The following SFXN5 variants were observed in gnomAD, a reference collection of about 807,000 sequenced individuals.
The protein encoded by SFXN5 is sideroflexin-5.
In SFXN5, 43 loss-of-function variants were observed where a neutral mutation model predicts 50.2. The ratio of observed to expected loss-of-function variants is 0.86; its 90% CI spans 0.67 to 1.11. The LOEUF is 1.11. SFXN5 is among the 50% of genes least tolerant of loss of function. The pLI, the probability that SFXN5 is intolerant of heterozygous loss-of-function variation, is 0.00. For synonymous variants in SFXN5, 203 were observed against 185.8 expected (o/e 1.09, Z -0.75); for missense variants, 463 against 454.1 (o/e 1.02, Z -0.18).
intron 3 of SFXN5, among the ~76,000 whole-genome samples, chr2:73,038,333 T>C (rs1426982288): frequency 6.6e-6 from 1 of 152,262 alleles, no homozygotes; most frequent in Admixed American, 6.5e-5. Flanking sequence ...GTCACCTGCA[T>C]AGGGCACTTA....
In SFXN5 at chr2:72,950,214, C is replaced by T. The variant is rs915163143; in HGVS notation, c.946-5115G>A. Among the ~76,000 whole-genome samples the T allele has an allele frequency of 3.3e-5, 5 of 152,078 alleles. No individual in the cohort carries two copies. The highest frequency in any genetic ancestry group is 9.7e-5 in the African/African-American group (4 of 41,400). Reference sequence around the variant, plus strand: ...GGCCTTGGGGGACCAGCCCGAGGAGCGAACGTAATGACAGAGGGTGCCACA... The same window carrying T: ...GGCCTTGGGGGACCAGCCCGAGGAGTGAACGTAATGACAGAGGGTGCCACA... On this transcript the variant is annotated intron_variant, in intron 13 of 13. Transcript: ENST00000272433. The surrounding 1 kb of genome is among the most constrained non-coding windows in gnomAD (Gnocchi z 4.2).
intron 3 of SFXN5, 145 bp downstream of exon 3, chr2:73,040,709 A>C (rs1477085561): frequency 3.4e-6 from 2 of 592,374 alleles, no homozygotes; most frequent in Non-Finnish European, 5.7e-6. Flanking sequence ...GAGCATCTCC[A>C]AAGAGCTTTT....
chr2:72,987,972 T>G (rs1348711981), intron 10 of SFXN5, among the ~76,000 whole-genome samples: 1 of 152,230 alleles, frequency 6.6e-6, no homozygotes, highest in Non-Finnish European at 1.5e-5. Flanking sequence ...AATGTAAATC[T>G]TTTCCCTGAC....
intron 2 of SFXN5, among the ~76,000 whole-genome samples, chr2:73,046,332 C>G (rs1680315742): frequency 6.6e-6 from 1 of 151,422 alleles, no homozygotes; most frequent in Non-Finnish European, 1.5e-5. Flanking sequence ...TCGCTTGAAC[C>G]CGGAAAGTGA....
At position 72,960,863 on chromosome 2, in the gene SFXN5, C is replaced by T. The variant is rs1673646194; in HGVS notation, c.945+268G>A. ...CAGTGAAATGTCACTTCCCTCTAGG[C>T]TCAGTTTGGTCTGCTGTCTCCTTCC... On this transcript the variant is annotated intron_variant, in intron 13 of 13. Transcript: ENST00000272433. The surrounding 1 kb of genome is among the most constrained non-coding windows in gnomAD (Gnocchi z 6.1). Among the ~76,000 whole-genome samples, 1 of 152,210 alleles carries T rather than the reference C, an allele frequency of 6.6e-6. No individual in the cohort carries two copies. The highest frequency in any genetic ancestry group is 1.5e-5 in the Non-Finnish European group (1 of 68,040).
intron 1 of SFXN5, among the ~76,000 whole-genome samples, chr2:73,067,445 T>A (rs1270104106): frequency 6.6e-6 from 1 of 152,208 alleles, no homozygotes; most frequent in Non-Finnish European, 1.5e-5. Flanking sequence ...AATGTACCAA[T>A]GTTAGTTTCT....
At position 72,942,712 on chromosome 2, in the gene SFXN5, C is replaced by G. The variant is rs185631217; in HGVS notation, c.*2310G>C. 2 of 152,334 alleles carry G rather than the reference C, an allele frequency of 1.3e-5. No homozygotes were observed. Among genetic ancestry groups the G allele is most frequent in the East Asian group, 3.9e-4 (2 of 5,192 alleles). The allele number at this position is 152,334 out of a possible 1,614,324, so 9.4% of individuals were successfully genotyped here. On this transcript the variant is annotated 3_prime_UTR_variant, in exon 14 of 14. Transcript: ENST00000272433. Reference sequence around the variant, plus strand: ...GCTATCTGGATCCTTTGCCACTGCACCGCCACAGGAGCAGACCCCTTGGCT... The same window carrying G: ...GCTATCTGGATCCTTTGCCACTGCAGCGCCACAGGAGCAGACCCCTTGGCT...
intron 8 of SFXN5, among the ~76,000 whole-genome samples, chr2:72,999,467 C>G (rs563172455): frequency 6.6e-6 from 1 of 152,144 alleles, no homozygotes; most frequent in African/African-American, 2.4e-5. Flanking sequence ...CCCATGTCAA[C>G]AGATGATAGC....
chr2:72,945,081 C>G lies in SFXN5; in HGVS notation c.964G>C (p.Glu322Gln). The change falls in exon 14 of 14, where the codon GAG (glutamate) becomes CAG (glutamine). Residue 322 changes from glutamate (E) to glutamine (Q), a missense_variant. Transcript: ENST00000272433. This position sits in a 1 kb window ranked among gnomAD's most constrained non-coding sequence, Gnocchi z 5.8. Reference sequence around the variant, plus strand: ...CTCGTGGCCTGGGCTATCTCCGGCTCTAATTGGGATGTTTCAATCTGTGGA... The same window carrying G: ...CTCGTGGCCTGGGCTATCTCCGGCTGTAATTGGGATGTTTCAATCTGTGGA... ...QMSEIETSQLEPEIAQATSSR... is the reference protein window; with the variant it reads ...QMSEIETSQLQPEIAQATSSR... 1.2e-6 allele frequency: 2 copies of G among 1,613,950 alleles called. No homozygotes were observed. The highest frequency in any genetic ancestry group is 1.7e-6 in the Non-Finnish European group (2 of 1,179,904).
intron 6 of SFXN5, among the ~76,000 whole-genome samples, chr2:73,008,290 T>C (rs960088038): frequency 6.6e-6 from 1 of 152,212 alleles, no homozygotes. Context: ...TCTGCCCTCC[T>C]TAGCACCCTG....
rs569330254 is a variant in SFXN5, at chr2:73,059,775, AAAGAC to A, written c.103-1184_103-1180del. ...ACACAGCCCAGACCATTTTCCCATT[AAAGAC>A]ATACATAAGGGAGGCTCACAATGCT... On this transcript the variant is annotated intron_variant, in intron 1 of 13. Transcript: ENST00000272433. 6.1e-4 allele frequency: 600 copies of A among 979,996 alleles called. 37 individuals are homozygous for A. The highest frequency in any genetic ancestry group is 5.8e-3 in the African/African-American group (330 of 56,674). The allele number at this position is 979,996 out of a possible 1,614,324, so 60.7% of individuals were successfully genotyped here.
chr2:73,031,050 T>C (rs572643304), intron 3 of SFXN5, among the ~76,000 whole-genome samples: 15 of 152,344 alleles, frequency 9.8e-5, no homozygotes, highest in African/African-American at 2.4e-4. Flanking sequence ...TAATAGAAGA[T>C]GCACAAATTC....
chr2:72,977,454 T>A lies in SFXN5; in HGVS notation c.626-5769A>T, dbSNP rs1670757392. On this transcript the variant is annotated intron_variant, in intron 10 of 13. Coordinates refer to ENST00000272433, the MANE Select transcript of SFXN5 (RefSeq NM_144579.3). The stretch of plus-strand genomic sequence containing the variant: ...TAAAAGGCTGAAAAACTAATAAACA[T>A]GAACTCAATCTCACTAATAATCAGG... Among the ~76,000 whole-genome samples, 2 of 152,028 alleles carry A rather than the reference T, an allele frequency of 1.3e-5. 1 individual carries two copies. Among genetic ancestry groups the A allele is most frequent in the Non-Finnish European group, 2.9e-5 (2 of 68,014 alleles).
At chr2:73,004,790 A>G (rs1031859366) in intron 6 of SFXN5, among the ~76,000 whole-genome samples, 7 of 152,242 alleles carry the variant, frequency 4.6e-5, no homozygotes, top group Non-Finnish European at 1.0e-4. Context: ...AAGCACGAGG[A>G]TGCCAGCCCA....
intron 2 of SFXN5, among the ~76,000 whole-genome samples, chr2:73,054,694 T>A (rs1681863992): frequency 6.6e-6 from 1 of 152,196 alleles, no homozygotes; most frequent in South Asian, 2.1e-4. Context: ...CAATATGTCT[T>A]GAAGTCCACC....
At chr2:72,978,286 T>A (rs1302709636) in intron 10 of SFXN5, among the ~76,000 whole-genome samples, 8 of 140,952 alleles carry the variant, frequency 5.7e-5, no homozygotes, top group Admixed American at 1.4e-4. Flanking sequence ...TTTTTCTTTC[T>A]TTTTTTTTTT....
At chr2:73,047,160 G>A (rs1229940210) in intron 2 of SFXN5, among the ~76,000 whole-genome samples, 3 of 138,754 alleles carry the variant, frequency 2.2e-5, no homozygotes, top group African/African-American at 7.9e-5. Context: ...GGAGGCTGCA[G>A]TAAGCCAAGA....
At chr2:72,951,537 C>T (rs1469278578) in intron 13 of SFXN5, among the ~76,000 whole-genome samples, 1 of 152,182 alleles carries the variant, frequency 6.6e-6, no homozygotes, top group Non-Finnish European at 1.5e-5. Flanking sequence ...ACACACACAC[C>T]TGCAGCCAGG....
intron 7 of SFXN5, among the ~76,000 whole-genome samples, chr2:73,000,717 T>G (rs1339046478): frequency 6.6e-6 from 1 of 152,196 alleles, no homozygotes; most frequent in Non-Finnish European, 1.5e-5. Context: ...GGTTCCTGAA[T>G]GGGGTCCTGC....
Sources: gnomAD v4.1 joint callset for allele counts (sites outside exome capture counted in the v4.1 genomes callset) on GRCh38, gnomAD v4.1.1 for gene constraint, Gnocchi (gnomAD v3.1) non-coding constraint, MANE v1.5 for transcripts, NCBI Gene and HGNC (gene_info 2026-07-23, HGNC 2026-07-21) for gene names.